The following PRR16 variants were observed in gnomAD, a reference collection of about 807,000 sequenced individuals.
PRR16 encodes proline rich 16.
In PRR16, 6 loss-of-function variants were observed where a neutral mutation model predicts 18.2. The ratio of observed to expected loss-of-function variants is 0.33; its 90% CI spans 0.18 to 0.65. The LOEUF (loss-of-function observed/expected upper bound fraction) is 0.65. Among genes scored for constraint, PRR16 ranks in the 30% least tolerant of loss-of-function variants. The pLI is 0.74. For synonymous variants in PRR16, 151 were observed against 147.8 expected, an observed-to-expected ratio of 1.02 and a Z score of -0.16; for missense variants, 412 against 376.6, an observed-to-expected ratio of 1.09 and a Z score of -0.78.
intron 1 of PRR16, among the ~76,000 whole-genome samples, chr5:120,583,042 A>T: frequency 6.6e-6 from 1 of 152,200 alleles, no homozygotes; most frequent in East Asian, 1.9e-4. Flanking sequence ...TTTTAATTGG[A>T]AGGCCCATGT....
At chr5:120,782,296 C>A in the PRR16 span, among the ~76,000 whole-genome samples, 4 of 150,676 alleles carry the variant, frequency 2.7e-5, no homozygotes, top group African/African-American at 5.0e-5. Flanking sequence ...TTCAGAAGTA[C>A]CCCCCTCCAA....
intron 1 of PRR16, among the ~76,000 whole-genome samples, chr5:120,587,433 A>G (rs1401246923): frequency 6.6e-6 from 1 of 152,202 alleles, no homozygotes; most frequent in Non-Finnish European, 1.5e-5. Flanking sequence ...TTCAAAGGAC[A>G]TTCTGACACT....
intron 1 of PRR16, among the ~76,000 whole-genome samples, chr5:120,566,308 T>A (rs1752736283): frequency 6.6e-6 from 1 of 152,010 alleles, no homozygotes; most frequent in Non-Finnish European, 1.5e-5. Context: ...GCCAAATACA[T>A]CTCTTTCCTT....
At chr5:120,719,905 A>T in the PRR16 span, among the ~76,000 whole-genome samples, 2 of 152,142 alleles carry the variant, frequency 1.3e-5, no homozygotes, top group East Asian at 3.9e-4. Context: ...AAAATTGTAT[A>T]ACATTTATCT....
chr5:120,672,252 G>GTGTGTGTGTGTGTT (rs1156351050), intron 1 of PRR16, among the ~76,000 whole-genome samples: 1 of 150,934 alleles, frequency 6.6e-6, no homozygotes, highest in Non-Finnish European at 1.5e-5. Context: ...GTGTGTGTGT[G>GTGTGTGTGTGTGTT]TGTGTGTGTG....
At chr5:120,635,539 G>A (rs1755198943) in intron 1 of PRR16, among the ~76,000 whole-genome samples, 1 of 152,124 alleles carries the variant, frequency 6.6e-6, no homozygotes, top group Admixed American at 6.6e-5. Flanking sequence ...CTCAGTAGAT[G>A]TATTAAAAGC....
chr5:120,590,983 A>C (rs1753615286), intron 1 of PRR16, among the ~76,000 whole-genome samples: 1 of 152,052 alleles, frequency 6.6e-6, no homozygotes. Flanking sequence ...ATTCAAATTA[A>C]ATAATTGTAC....
chr5:120,651,253 G>T (rs371862800), intron 1 of PRR16, among the ~76,000 whole-genome samples: 1 of 152,068 alleles, frequency 6.6e-6, no homozygotes, highest in Admixed American at 6.6e-5. Context: ...AGTAGGTTGC[G>T]AAAATGTTCT....
At chr5:120,607,103 T>G (rs887140276) in intron 1 of PRR16, among the ~76,000 whole-genome samples, 1 of 152,208 alleles carries the variant, frequency 6.6e-6, no homozygotes, top group African/African-American at 2.4e-5. Flanking sequence ...TTTTTTTTTG[T>G]AATCGCCTCA....
At chr5:120,729,385 TTAATA>T in the PRR16 span, among the ~76,000 whole-genome samples, 1 of 151,784 alleles carries the variant, frequency 6.6e-6, no homozygotes, top group African/African-American at 2.4e-5. Flanking sequence ...TACTTATTTC[TTAATA>T]TAATTTTGAG....
intron 1 of PRR16, among the ~76,000 whole-genome samples, chr5:120,575,318 AACACACACACACACAC>A (rs3047956): frequency 7.2e-6 from 1 of 138,166 alleles, no homozygotes; most frequent in Non-Finnish European, 1.6e-5. Flanking sequence ...CAGACAAGGA[AACACACACACACACAC>A]ACACACACAC....
At chr5:120,490,699 C>G (rs1436913210) in intron 1 of PRR16, among the ~76,000 whole-genome samples, 2 of 152,210 alleles carry the variant, frequency 1.3e-5, no homozygotes, top group African/African-American at 4.8e-5. Flanking sequence ...TGGTGAGGAA[C>G]TGCGTTCCTT....
intron 1 of PRR16, among the ~76,000 whole-genome samples, chr5:120,617,956 C>A (rs938845936): frequency 6.6e-6 from 1 of 152,056 alleles, no homozygotes; most frequent in Non-Finnish European, 1.5e-5. Flanking sequence ...GTACAGGTTT[C>A]TTTGGTCTCA....
At chr5:120,777,898 ACT>A in the PRR16 span, among the ~76,000 whole-genome samples, 1 of 152,056 alleles carries the variant, frequency 6.6e-6, no homozygotes, top group Non-Finnish European at 1.5e-5. Flanking sequence ...ACTTTATTAG[ACT>A]CTATCTGAAC....
intron 1 of PRR16, among the ~76,000 whole-genome samples, chr5:120,668,840 GCT>G (rs2150144555): frequency 6.6e-6 from 1 of 152,202 alleles, no homozygotes; most frequent in Non-Finnish European, 1.5e-5. Flanking sequence ...AGTCTGATGG[GCT>G]TCCCTTTGTG....
chr5:120,513,043 A>C (rs1475645852), intron 1 of PRR16, among the ~76,000 whole-genome samples: 1 of 152,130 alleles, frequency 6.6e-6, no homozygotes, highest in Non-Finnish European at 1.5e-5. Context: ...TCAGGTGTAT[A>C]AAGGGAGTGG....
At chr5:120,689,057 T>G (rs1281802807), downstream of PRR16, among the ~76,000 whole-genome samples, 2 of 152,168 alleles carry the variant, frequency 1.3e-5, no homozygotes, top group Admixed American at 1.3e-4. Context: ...GTGAGTTAAA[T>G]ACCATCCCCC....
the PRR16 span, among the ~76,000 whole-genome samples, chr5:120,770,604 CAAAAGGAA>C: frequency 6.6e-6 from 1 of 151,684 alleles, no homozygotes; most frequent in Admixed American, 6.6e-5. Flanking sequence ...TTCTGCAAAA[CAAAAGGAA>C]TAATCAACAG....
chr5:120,749,610 CTT>C, the PRR16 span, among the ~76,000 whole-genome samples: 2 of 152,102 alleles, frequency 1.3e-5, no homozygotes, highest in Admixed American at 6.6e-5. Context: ...TTTTCAATCT[CTT>C]TGCATTGAGA....
Sources: allele counts gnomAD v4.1 joint callset (sites outside exome capture counted in the v4.1 genomes callset), GRCh38; gene constraint gnomAD v4.1.1; transcripts MANE v1.5; gene names NCBI Gene and HGNC (gene_info 2026-07-23, HGNC 2026-07-21).